The following FKTN variants were observed in gnomAD, a reference collection of about 807,000 sequenced individuals.
The protein encoded by FKTN is fukutin.
FKTN carries 47 observed loss-of-function variants against 58.6 expected under a neutral mutation model. The ratio of observed to expected loss-of-function variants is 0.80; its 90% CI spans 0.63 to 1.02. The LOEUF (loss-of-function observed/expected upper bound fraction) is 1.02, where lower values mean the gene tolerates loss of function less well. Among genes scored for constraint, FKTN ranks in the 50% least tolerant of loss-of-function variants. The pLI is 0.00. For synonymous variants in FKTN, 178 were observed against 191.9 expected (o/e 0.93, Z 0.60); for missense variants, 516 against 537.3 (o/e 0.96, Z 0.39).
At chr9:105,607,670 A>T (rs926134841) in intron 6 of FKTN, 149 bp from the exon 7 acceptor site, 1 of 635,336 alleles carries the variant, frequency 1.6e-6, no homozygotes, top group Non-Finnish European at 2.9e-6. Context: ...CAGGTTTGTT[A>T]CATAGGTATA....
chr9:105,600,563 C>T (rs556575560), intron 4 of FKTN, among the ~76,000 whole-genome samples: 17 of 151,946 alleles, frequency 1.1e-4, no homozygotes, highest in Admixed American at 1.3e-4. Context: ...TGAAATATTG[C>T]AGTATTAGAA....
At chr9:105,580,295 C>T (rs1842634428) in intron 3 of FKTN, among the ~76,000 whole-genome samples, 1 of 152,110 alleles carries the variant, frequency 6.6e-6, no homozygotes, top group Non-Finnish European at 1.5e-5. Flanking sequence ...GATTTTGCAG[C>T]AGCTGGTACC....
At position 105,604,354 on chromosome 9, in the gene FKTN, C is replaced by T. The variant is rs119464997; in HGVS notation, c.509C>T (p.Ala170Val). 14 of 1,614,024 alleles carry T rather than the reference C, an allele frequency of 8.7e-6. No individual in the cohort carries two copies. The highest frequency in any genetic ancestry group is 1.7e-5 in the Admixed American group (1 of 60,008). ...TATATCTGCAAACTGGCCACTCATG[C>T]GATCCACTTGGTAGTCTTTCATGAG... ...LHYICKLATH[A>V]IHLVVFHERS... The change falls in exon 6 of 11, where the codon GCG becomes GTG. Residue 170 changes from alanine (A) to valine (V), a missense_variant. Ala to Val is a moderately conservative substitution (Grantham distance 64). Coordinates refer to ENST00000357998, the MANE Select transcript of FKTN (RefSeq NM_001079802.2).
intron 3 of FKTN, among the ~76,000 whole-genome samples, chr9:105,581,259 C>G (rs1367544450): frequency 5.8e-4 from 86 of 148,480 alleles, no homozygotes; most frequent in African/African-American, 2.1e-3. Flanking sequence ...TTTAGAGTTT[C>G]CAGTTTTTCT....
intron 3 of FKTN, among the ~76,000 whole-genome samples, chr9:105,579,811 G>A (rs1842518040): frequency 6.6e-6 from 1 of 151,068 alleles, no homozygotes; most frequent in Non-Finnish European, 1.5e-5. Context: ...AAGTCTCTTT[G>A]TAGGTCACAC....
At chr9:105,596,814 G>T (rs1488974105) in intron 4 of FKTN, 157 bp downstream of exon 4, 1 of 674,788 alleles carries the variant, frequency 1.5e-6, no homozygotes, top group East Asian at 2.7e-5. Flanking sequence ...CCTTTACCAA[G>T]TGCTTTATGC....
chr9:105,599,615 T>C (rs1425255785), intron 4 of FKTN, among the ~76,000 whole-genome samples: 3 of 151,788 alleles, frequency 2.0e-5, no homozygotes, highest in Non-Finnish European at 2.9e-5. Context: ...GTGATTCTCC[T>C]GCCTCAGCCT....
intron 1 of FKTN, among the ~76,000 whole-genome samples, chr9:105,563,712 C>G (rs1177816176): frequency 6.6e-6 from 1 of 152,180 alleles, no homozygotes; most frequent in Admixed American, 6.5e-5. Context: ...CCTCTGTAGA[C>G]TTCACCTCTG....
intron 10 of FKTN, among the ~76,000 whole-genome samples, chr9:105,630,351 A>C (rs377219008): frequency 1.3e-5 from 2 of 152,338 alleles, no homozygotes; most frequent in East Asian, 3.9e-4. Context: ...AATTTTCTAG[A>C]AAAATAAATA....
intron 10 of FKTN, among the ~76,000 whole-genome samples, chr9:105,632,810 A>T (rs1833652213): frequency 6.6e-6 from 1 of 152,220 alleles, no homozygotes; most frequent in Non-Finnish European, 1.5e-5. Context: ...ATTCTGATTT[A>T]GGGTTGCCTT....
Position 105,638,933 on chromosome 9 carries a change from C to A in FKTN, c.*3669C>A, listed in dbSNP as rs1053844330. 4.1e-6 allele frequency: 4 copies of A among 985,056 alleles called. No homozygotes were observed. In the African/African-American group the frequency reaches 7.0e-5, roughly 17 times the overall value. 61.0% of individuals were successfully genotyped at this position (985,056 alleles called of 1,614,324 possible). A position where few individuals can be genotyped will look rare whatever the true frequency, so the allele number is the denominator to read the frequency against. On this transcript the variant is annotated 3_prime_UTR_variant, in exon 11 of 11. Transcript: ENST00000357998. Reference sequence around the variant, plus strand: ...TAAGCAGGAATTTATACATTGGGTACCAGAGCTAAATCTGGAAAACACATT... The same window carrying A: ...TAAGCAGGAATTTATACATTGGGTAACAGAGCTAAATCTGGAAAACACATT...
In FKTN at chr9:105,573,765, G is replaced by A. The variant is rs1212155127; in HGVS notation, c.-89+19G>A. 6.6e-6 allele frequency: 1 copy of A among 152,130 alleles called. No individual in the cohort carries two copies. The highest frequency in any genetic ancestry group is 1.5e-5 in the Non-Finnish European group (1 of 68,032). 9.4% of individuals were successfully genotyped at this position (152,130 alleles called of 1,614,324 possible). A position where few individuals can be genotyped will look rare whatever the true frequency, so the allele number is the denominator to read the frequency against. Reference sequence around the variant, plus strand: ...TTCAAAGGTAAGGAATGCATTCTTTGCTCATCCCAATAAAAAGATTAAATT... The same window carrying A: ...TTCAAAGGTAAGGAATGCATTCTTTACTCATCCCAATAAAAAGATTAAATT... On this transcript the variant is annotated intron_variant, in intron 2 of 10. Transcript: ENST00000357998.
chr9:105,564,271 A>C (rs1282809425), intron 1 of FKTN, among the ~76,000 whole-genome samples: 1 of 152,240 alleles, frequency 6.6e-6, no homozygotes, highest in African/African-American at 2.4e-5. Flanking sequence ...GCAGCTCCTC[A>C]CCAGCAATGG....
rs977350409 is a variant in FKTN at position 105,604,302 on chromosome 9, C to G, written c.457C>G (p.Leu153Val). ...KDPRLDGIDS[L>V]SGTEIPLHYI... ...TCCCCGGCTAGACGGGATAGACTCA[C>G]TCTCTGGAACTGAAATCCCCCTGCA... The change falls in exon 6 of 11, where the codon CTC becomes GTC. Residue 153 changes from leucine (L) to valine (V), a missense_variant. Leu to Val is a conservative substitution (Grantham distance 32, BLOSUM62 1). Coordinates refer to ENST00000357998, the MANE Select transcript of FKTN (RefSeq NM_001079802.2). The G allele has an allele frequency of 1.9e-6, 3 of 1,613,888 alleles. No individual in the cohort carries two copies. Among genetic ancestry groups the G allele is most frequent in the Non-Finnish European group, 2.5e-6 (3 of 1,179,898 alleles).
At chr9:105,630,404 G>A (rs1279736356) in intron 10 of FKTN, among the ~76,000 whole-genome samples, 2 of 152,006 alleles carry the variant, frequency 1.3e-5, no homozygotes, top group Admixed American at 6.6e-5. Context: ...ATATTCATTC[G>A]AGACAGTGAA....
intron 8 of FKTN, among the ~76,000 whole-genome samples, chr9:105,617,289 A>G (rs1394257005): frequency 6.6e-6 from 1 of 152,240 alleles, no homozygotes; most frequent in Middle Eastern, 3.2e-3. Context: ...TCTTCAGAAC[A>G]GTGCTATAGC....
chr9:105,573,575 C>T (rs1056355238), intron 1 of FKTN, 80 bp from the exon 2 acceptor site: 2 of 151,824 alleles, frequency 1.3e-5, no homozygotes, highest in Admixed American at 6.6e-5. Context: ...TTACAATGAG[C>T]TATGATTGCA....
intron 2 of FKTN, among the ~76,000 whole-genome samples, chr9:105,574,578 G>C (rs1414550887): frequency 1.3e-5 from 2 of 151,828 alleles, no homozygotes; most frequent in Non-Finnish European, 2.9e-5. Context: ...CTTTGGAAGT[G>C]GTTCTCAGCA....
Position 105,615,154 on chromosome 9 carries a change from G to T in FKTN, c.781-124G>T, listed in dbSNP as rs1301172304. On this transcript the variant is annotated intron_variant, in intron 7 of 10. Coordinates refer to ENST00000357998, the MANE Select transcript of FKTN (RefSeq NM_001079802.2). ...CTGCCTTGGCTTCCCAAAGTTCTGG[G>T]GTTACAGGCGTGAGCCACTGTGCCC... is the stretch of plus-strand genomic sequence containing the variant. 8.5e-5 allele frequency: 87 copies of T among 1,028,314 alleles called. No homozygotes were observed. The Middle Eastern group carries it at 1.0e-3, about 12-fold the overall frequency. 63.7% of individuals were successfully genotyped at this position (1,028,314 alleles called of 1,614,324 possible). A position where few individuals can be genotyped will look rare whatever the true frequency, so the allele number is the denominator to read the frequency against.
Sources: gnomAD v4.1 joint callset for allele counts (sites outside exome capture counted in the v4.1 genomes callset) on GRCh38, gnomAD v4.1.1 for gene constraint, MANE v1.5 for transcripts, NCBI Gene and HGNC (gene_info 2026-07-23, HGNC 2026-07-21) for gene names.